MFSD12: variants seen among roughly 807,000 people sequenced by gnomAD.
The protein encoded by MFSD12 is major facilitator superfamily domain containing 12, also known as major facilitator superfamily domain-containing protein 12.
A neutral mutation model predicts 51.2 loss-of-function variants in MFSD12; 67 were observed. That is an observed-to-expected ratio of 1.31 (90% CI 1.08 to 1.60). MFSD12 has a LOEUF of 1.60. Ranked by LOEUF, MFSD12 falls within the 40% of genes most tolerant of loss-of-function variation. The probability of loss-of-function intolerance (pLI) is 0.00; values close to 1 mark genes in which losing one functional copy is unlikely to be tolerated. For synonymous variants in MFSD12, 441 were observed against 316.7 expected, an observed-to-expected ratio of 1.39 and a Z score of -4.17; for missense variants, 921 against 673.0, an observed-to-expected ratio of 1.37 and a Z score of -4.08.
At chr19:3,538,683 C>G (rs1175265592) in exon 5 of MFSD12, 6 of 472,858 alleles carry the variant, frequency 1.3e-5, no homozygotes, top group South Asian at 9.3e-5. Flanking sequence ...CTCACCTTCA[C>G]TGGGTGTTCG....
intron 8 of MFSD12, 106 bp downstream of exon 8, chr19:3,545,968 T>C: frequency 8.4e-7 from 1 of 1,184,876 alleles, no homozygotes; most frequent in South Asian, 1.3e-5. Context: ...CAGGTGTCTT[T>C]GGTCCACAGC....
intron 4 of MFSD12, 91 bp from the exon 5 acceptor site, chr19:3,547,638 C>T: frequency 7.8e-7 from 1 of 1,281,052 alleles, no homozygotes; most frequent in Non-Finnish European, 1.1e-6. Context: ...GGTGGGCGCC[C>T]TGCAGCTGGC....
Position 3,547,502 on chromosome 19 carries a change from G to C in MFSD12, c.883C>G (p.Gln295Glu), listed in dbSNP as rs762016587. 29 of 1,612,962 alleles carry C rather than the reference G, an allele frequency of 1.8e-5. No individual in the cohort carries two copies. The highest frequency in any genetic ancestry group is 1.2e-4 in the Admixed American group (7 of 59,968). ...GTGAGGTACATGGCCATGTAGGTCT[G>C]GGACAGGTTCACGATGAGCCTGGTG... ...MTTRLIVNLS[Q>E]TYMAMYLTYS... The change falls in exon 5 of 10, where the codon CAG (glutamine) becomes GAG (glutamate). Residue 295 changes from glutamine to glutamate, a missense_variant. Transcript: ENST00000355415.
intron 1 of MFSD12, among the ~76,000 whole-genome samples, chr19:3,555,399 C>T (rs572750822): frequency 1.3e-5 from 2 of 152,032 alleles, no homozygotes; most frequent in Non-Finnish European, 1.5e-5. Flanking sequence ...GTGCCCGGCC[C>T]GCCCAGAAAT....
At chr19:3,541,747 G>A (rs1411750779), downstream of MFSD12, 1 of 985,374 alleles carries the variant, frequency 1.0e-6, no homozygotes, top group Non-Finnish European at 1.2e-6. Context: ...GTAGTGAGTG[G>A]CAGGTGGGTA....
At chr19:3,556,609 A>G (rs992371514) in intron 1 of MFSD12, among the ~76,000 whole-genome samples, 11 of 145,254 alleles carry the variant, frequency 7.6e-5, no homozygotes, top group Admixed American at 4.8e-4. Context: ...GGCTCAGGCC[A>G]TGGGGCAGAA....
At position 3,557,130 on chromosome 19, in the gene MFSD12, G is replaced by T; in HGVS notation, c.274C>A (p.Pro92Thr). 1 of 1,504,594 alleles carries T rather than the reference G, an allele frequency of 6.6e-7. No homozygotes were observed. The highest frequency in any genetic ancestry group is 8.9e-7 in the Non-Finnish European group (1 of 1,129,330). The allele number at this position is 1,504,594 out of a possible 1,614,324, so 93.2% of individuals were successfully genotyped here. Residue 92 changes from proline (P) to threonine (T), a missense_variant, in exon 1 of 10, where the codon CCG becomes ACG. By Grantham distance (38) the Pro-to-Thr change is conservative (BLOSUM62 -1). Transcript: ENST00000355415. ...RAASCCARYG[P>T]RKAWHLVGTV... Reference sequence around the variant, plus strand: ...CCGACCAGGTGCCAGGCCTTGCGCGGGCCGTAGCGGGCGCAGCAGCTGGCG... The same window carrying T: ...CCGACCAGGTGCCAGGCCTTGCGCGTGCCGTAGCGGGCGCAGCAGCTGGCG...
At chr19:3,553,539 C>A (rs567128628) in intron 1 of MFSD12, among the ~76,000 whole-genome samples, 1 of 150,222 alleles carries the variant, frequency 6.7e-6, no homozygotes. Flanking sequence ...GAGACCGAGG[C>A]GGGTGGATCA....
At chr19:3,547,683 G>A (rs1283398644) in intron 4 of MFSD12, 136 bp from the exon 5 acceptor site, 1 of 1,167,250 alleles carries the variant, frequency 8.6e-7, no homozygotes, top group African/African-American at 1.5e-5. Flanking sequence ...CCAGTGGGGT[G>A]GGCCAGGAAG....
downstream of MFSD12, chr19:3,542,995 T>G (rs368444331): frequency 6.3e-5 from 100 of 1,590,770 alleles, no homozygotes; most frequent in African/African-American, 1.0e-3. Context: ...CAGAAAGGTT[T>G]AGTGCTGACT....
rs572337953 is a variant in MFSD12, at chr19:3,555,847, G to A, written c.298+1259C>T. Among the ~76,000 whole-genome samples the A allele has an allele frequency of 1.8e-3, 275 of 152,330 alleles. 3 individuals are homozygous for A. The highest frequency in any genetic ancestry group is 6.2e-3 in the African/African-American group (256 of 41,564). ...AGGACGCAGCCGGCACTTCTGTGAGGGCAAGAAGAGCAGGGAAGGAGGCCG... is the reference window on the plus strand; with the variant it reads ...AGGACGCAGCCGGCACTTCTGTGAGAGCAAGAAGAGCAGGGAAGGAGGCCG... On this transcript the variant is annotated intron_variant, in intron 1 of 9. Transcript: ENST00000355415.
rs1442771684 is a variant in MFSD12, at chr19:3,551,375, G to A, written c.299-181C>T. On this transcript the variant is annotated intron_variant, in intron 1 of 9. Coordinates refer to ENST00000355415, the MANE Select transcript of MFSD12 (RefSeq NM_174983.5). The surrounding 1 kb of genome is among the most constrained non-coding windows in gnomAD (Gnocchi z 4.6). ...GTCCCCCAGGCTTATGGCCCCTGGT[G>A]ACAAAAGGGGAATCTGACACCAGGT... Among the ~76,000 whole-genome samples, 2 of 152,216 alleles carry A rather than the reference G, an allele frequency of 1.3e-5. No individual in the cohort carries two copies. Among genetic ancestry groups the A allele is most frequent in the Non-Finnish European group, 2.9e-5 (2 of 68,024 alleles).
downstream of MFSD12, chr19:3,541,806 C>G (rs994512052): frequency 1.0e-6 from 1 of 984,580 alleles, no homozygotes; most frequent in Non-Finnish European, 1.2e-6. Flanking sequence ...GAATATTATT[C>G]TGTGCTGTTT....
exon 5 of MFSD12, chr19:3,538,545 C>T: frequency 5.1e-6 from 2 of 389,664 alleles, no homozygotes; most frequent in Non-Finnish European, 5.2e-6. Flanking sequence ...GCGTACCCTT[C>T]TGTGTCTGGT....
chr19:3,544,202 C>G lies in MFSD12; in HGVS notation c.*508G>C. 2.2e-6 allele frequency: 3 copies of G among 1,359,250 alleles called. No individual in the cohort carries two copies. Among genetic ancestry groups the G allele is most frequent in the Non-Finnish European group, 2.8e-6 (3 of 1,055,112 alleles). The allele number at this position is 1,359,250 out of a possible 1,614,324, so 84.2% of individuals were successfully genotyped here. On this transcript the variant is annotated 3_prime_UTR_variant, in exon 10 of 10. Transcript: ENST00000355415. ...CGCAGGCAGACAGGAGCCAGGCTGC[C>G]GTCATCTCTTTATTTGCTGCCAGCA...
chr19:3,542,065 C>T (rs1018640767), downstream of MFSD12: 7 of 917,988 alleles, frequency 7.6e-6, no homozygotes, highest in Non-Finnish European at 7.8e-6. Flanking sequence ...CCACCTTGGC[C>T]TCCCAAAGTG....
At chr19:3,543,569 C>T (rs902552835), downstream of MFSD12, 20 of 1,541,404 alleles carry the variant, frequency 1.3e-5, no homozygotes, top group African/African-American at 8.2e-5. Context: ...CACCCAGCAC[C>T]TGCGGGAGAC....
chr19:3,544,756 C>CATTAGAGAGTGTGGGTCAGTGTCTG (rs2030808860), intron 9 of MFSD12, 24 bp from the exon 10 acceptor site: 3 of 1,125,552 alleles, frequency 2.7e-6, no homozygotes, highest in African/African-American at 3.2e-5. Flanking sequence ...GTGGAAATGG[C>CATTAGAGAGTGTGGGTCAGTGTCTG]ATTAGAGAGT....
Position 3,544,927 on chromosome 19 carries a change from G to T in MFSD12, c.1302C>A (p.Cys434Ter). 1 of 1,609,008 alleles carries T rather than the reference G, an allele frequency of 6.2e-7. No individual in the cohort carries two copies. The change falls in exon 9 of 10, where the codon TGC (cysteine) becomes TGA (stop). Residue 434 changes from cysteine (C) to a stop codon, truncating the protein, a stop_gained. Coordinates refer to ENST00000355415, the MANE Select transcript of MFSD12 (RefSeq NM_174983.5). LOFTEE classifies it high-confidence loss of function. ...QSLHPCPSELCCRACVSFYHW... is the reference protein window; with the variant it reads ...QSLHPCPSEL ...GGTAAAAGCTCACGCAGGCCCTGCAGCAGAGCTCTGAGCTGTGGGAGGAGG... is the reference window on the plus strand; with the variant it reads ...GGTAAAAGCTCACGCAGGCCCTGCATCAGAGCTCTGAGCTGTGGGAGGAGG...
Sources: allele counts gnomAD v4.1 joint callset (sites outside exome capture counted in the v4.1 genomes callset), GRCh38; gene constraint gnomAD v4.1.1; non-coding constraint Gnocchi (gnomAD v3.1); transcripts MANE v1.5; gene names NCBI Gene and HGNC (gene_info 2026-07-23, HGNC 2026-07-21).